Variants in OCA2 observed in about 807,000 individuals in gnomAD.
OCA2 encodes the protein OCA2 melanosomal transmembrane protein, also known as P protein.
In OCA2, 77 loss-of-function variants were observed where a neutral mutation model predicts 100.2. The observed-to-expected ratio is 0.77, with a 90% confidence interval of 0.64 to 0.93. The LOEUF (loss-of-function observed/expected upper bound fraction) is 0.93. Ranked by LOEUF, OCA2 falls within the 40% of genes least tolerant of loss-of-function variation. The probability of loss-of-function intolerance (pLI) is 0.00; values close to 1 mark genes in which losing one functional copy is unlikely to be tolerated. For synonymous variants in OCA2, 432 were observed against 439.2 expected, an observed-to-expected ratio of 0.98 and a Z score of 0.21; for missense variants, 1,062 against 1,089.1, an observed-to-expected ratio of 0.98 and a Z score of 0.35.
chr15:27,909,782 TA>T (rs2038316530), intron 19 of OCA2, among the ~76,000 whole-genome samples: 1 of 152,144 alleles, frequency 6.6e-6, no homozygotes, highest in African/African-American at 2.4e-5. Flanking sequence ...AAATGTAAAA[TA>T]AGATAGCATA....
chr15:27,742,477 A>G, the OCA2 span, among the ~76,000 whole-genome samples: 1 of 152,120 alleles, frequency 6.6e-6, no homozygotes, highest in Non-Finnish European at 1.5e-5. Context: ...CTCCCACCCC[A>G]AGAGTCCCAT....
intron 17 of OCA2, among the ~76,000 whole-genome samples, chr15:27,952,894 G>T (rs895273074): frequency 2.0e-5 from 3 of 152,032 alleles, no homozygotes; most frequent in Non-Finnish European, 4.4e-5. Context: ...TGTTGCCCAG[G>T]CTGGTGTTGA....
intron 23 of OCA2, among the ~76,000 whole-genome samples, chr15:27,840,090 A>G (rs1010765420): frequency 2.0e-5 from 3 of 152,160 alleles, no homozygotes; most frequent in Non-Finnish European, 2.9e-5. Flanking sequence ...TTCGGAGGAA[A>G]GAGCTTAGCC....
At chr15:27,812,891 T>C (rs2034134515) in intron 23 of OCA2, among the ~76,000 whole-genome samples, 1 of 152,146 alleles carries the variant, frequency 6.6e-6, no homozygotes, top group Admixed American at 6.5e-5. Flanking sequence ...AGCTGCTTCA[T>C]GCCTAAGATG....
intron 2 of OCA2, among the ~76,000 whole-genome samples, chr15:28,032,697 G>C (rs1350216859): frequency 1.3e-5 from 2 of 151,428 alleles, no homozygotes; most frequent in Non-Finnish European, 2.9e-5. Context: ...TGGAGGCTGA[G>C]GCAGAGAATT....
intron 19 of OCA2, among the ~76,000 whole-genome samples, chr15:27,897,559 T>A (rs2037757861): frequency 1.3e-5 from 2 of 152,218 alleles, no homozygotes; most frequent in Non-Finnish European, 2.9e-5. Flanking sequence ...TTTGGAACCC[T>A]CCACCTAGAT....
chr15:27,994,656 A>G (rs1488265343), intron 9 of OCA2, among the ~76,000 whole-genome samples: 4 of 152,202 alleles, frequency 2.6e-5, no homozygotes, highest in African/African-American at 9.7e-5. Context: ...TGGTTTCTTC[A>G]GTGCTCTGCA....
intron 19 of OCA2, among the ~76,000 whole-genome samples, chr15:27,916,325 C>T (rs989334893): frequency 9.2e-5 from 14 of 152,008 alleles, no homozygotes; most frequent in African/African-American, 3.1e-4. Flanking sequence ...CAAACCTGCA[C>T]ATGTACCCCC....
chr15:27,756,771 C>T (rs2030407791), intron 23 of OCA2, among the ~76,000 whole-genome samples: 1 of 152,154 alleles, frequency 6.6e-6, no homozygotes, highest in Admixed American at 6.5e-5. Flanking sequence ...GGTGCTGAGA[C>T]ACCTGGCCAT....
At chr15:27,870,074 G>A (rs1042793882) in intron 21 of OCA2, among the ~76,000 whole-genome samples, 1 of 152,222 alleles carries the variant, frequency 6.6e-6, no homozygotes, top group Non-Finnish European at 1.5e-5. Context: ...AGGGATGCAG[G>A]TTCCCAGATC....
chr15:27,784,626 T>C (rs989243445), intron 23 of OCA2, among the ~76,000 whole-genome samples: 4 of 152,176 alleles, frequency 2.6e-5, no homozygotes, highest in African/African-American at 9.7e-5. Flanking sequence ...CAAATGAGTA[T>C]TTTGAGCAGA....
intron 2 of OCA2, among the ~76,000 whole-genome samples, chr15:28,046,507 G>A (rs113482089): frequency 0.012 from 1,844 of 152,256 alleles, 37 homozygotes; most frequent in African/African-American, 0.042. Context: ...AGGGAGGACT[G>A]AAGAAATAAG....
intron 9 of OCA2, among the ~76,000 whole-genome samples, chr15:27,997,192 AGAGAG>A (rs2041773804): frequency 1.3e-5 from 2 of 150,456 alleles, no homozygotes; most frequent in African/African-American, 2.4e-5. Flanking sequence ...AAAGAAAAGA[AGAGAG>A]GAAAGGATAT....
Position 28,014,915 on chromosome 15 carries a change from A to T in OCA2, c.905T>A (p.Ile302Asn), listed in dbSNP as rs982805430. 1 of 1,614,046 alleles carries T rather than the reference A, an allele frequency of 6.2e-7. No individual in the cohort carries two copies. Among genetic ancestry groups the T allele is most frequent in the African/African-American group, 1.3e-5 (1 of 74,924 alleles). ...FEVLTRETVSISIRASLQQTQ... is the reference protein window; with the variant it reads ...FEVLTRETVSNSIRASLQQTQ... ...CTGCTGCAGGGAGGCCCGGATGCTG[A>T]TGGACACCGTCTCTCTGCAGAACGA... Residue 302 changes from isoleucine to asparagine, a missense_variant, in exon 9 of 24, where the codon ATC becomes AAC. Ile to Asn is a moderately radical substitution (Grantham distance 149, BLOSUM62 -3). Coordinates refer to ENST00000354638, the MANE Select transcript of OCA2 (RefSeq NM_000275.3).
At chr15:27,814,336 C>T (rs546591532) in intron 23 of OCA2, among the ~76,000 whole-genome samples, 95 of 151,838 alleles carry the variant, frequency 6.3e-4, no homozygotes, top group Non-Finnish European at 1.2e-3. Context: ...TAACAGTAAA[C>T]GAAAGATAAT....
chr15:27,942,302 T>C (rs2039676339), intron 18 of OCA2, among the ~76,000 whole-genome samples: 1 of 150,582 alleles, frequency 6.6e-6, no homozygotes, highest in African/African-American at 2.4e-5. Context: ...AGAAAACATA[T>C]ATATGAATAT....
At chr15:27,999,667 A>G (rs2041866240) in intron 9 of OCA2, among the ~76,000 whole-genome samples, 1 of 152,186 alleles carries the variant, frequency 6.6e-6, no homozygotes, top group African/African-American at 2.4e-5. Context: ...ATTGGAAAGG[A>G]TGAAGTTAAA....
chr15:27,805,032 T>C (rs2033771504), intron 23 of OCA2, among the ~76,000 whole-genome samples: 1 of 152,176 alleles, frequency 6.6e-6, no homozygotes, highest in Non-Finnish European at 1.5e-5. Flanking sequence ...TAATTGTGCC[T>C]GTCATCAATG....
rs2594920 is a variant in OCA2 at position 27,922,833 on chromosome 15, C to G, written c.2079+3294G>C. Among the ~76,000 whole-genome samples, 10 of 151,690 alleles carry G rather than the reference C, an allele frequency of 6.6e-5. No homozygotes were observed. The East Asian group carries it at 1.9e-3, about 29-fold the overall frequency. On this transcript the variant is annotated intron_variant, in intron 19 of 23. Transcript: ENST00000354638. ...AGGACAATTTTTTTAACTTTTAAGT[C>G]CAGGGGTACATGTGCAGGTTTATTA...
Sources: allele counts gnomAD v4.1 joint callset (sites outside exome capture counted in the v4.1 genomes callset), GRCh38; gene constraint gnomAD v4.1.1; transcripts MANE v1.5; gene names NCBI Gene and HGNC (gene_info 2026-07-23, HGNC 2026-07-21).